The following PPP3CA variants were observed in gnomAD, a reference collection of about 807,000 sequenced individuals.
The protein encoded by PPP3CA is CAM-PRP catalytic subunit.
PPP3CA carries 14 observed loss-of-function variants against 66.5 expected under a neutral mutation model. The observed-to-expected ratio is 0.21, with a 90% CI of 0.14 to 0.33. The LOEUF (loss-of-function observed/expected upper bound fraction) is 0.33. Ranked by LOEUF, PPP3CA falls within the 10% of genes least tolerant of loss-of-function variation. The pLI is 1.00. For missense variants in PPP3CA, 317 were observed against 639.5 expected, an observed-to-expected ratio of 0.50 and a Z score of 5.44; for synonymous variants, 232 against 226.2, an observed-to-expected ratio of 1.03 and a Z score of -0.23.
intron 2 of PPP3CA, among the ~76,000 whole-genome samples, chr4:101,189,466 A>AT (rs1014016740): frequency 1.1e-4 from 16 of 152,032 alleles, no homozygotes; most frequent in African/African-American, 3.9e-4. Context: ...AACCTGTAAC[A>AT]TTAACCTCCA....
chr4:101,042,797 CTT>C (rs1727583211), intron 10 of PPP3CA, among the ~76,000 whole-genome samples: 3 of 143,280 alleles, frequency 2.1e-5, no homozygotes, highest in African/African-American at 8.0e-5. Context: ...CATGAAAAGA[CTT>C]TTTCTTTTTT....
intron 1 of PPP3CA, among the ~76,000 whole-genome samples, chr4:101,222,634 A>C (rs1182123404): frequency 6.6e-6 from 1 of 151,634 alleles, no homozygotes; most frequent in Non-Finnish European, 1.5e-5. Context: ...ATTGGCAGGT[A>C]TCCAGGAATG....
chr4:101,156,568 T>C (rs1433258191), intron 2 of PPP3CA, among the ~76,000 whole-genome samples: 1 of 152,040 alleles, frequency 6.6e-6, no homozygotes, highest in Non-Finnish European at 1.5e-5. Context: ...TAATCCCAGC[T>C]ACTCGGGAGA....
intron 8 of PPP3CA, among the ~76,000 whole-genome samples, chr4:101,065,110 T>C (rs1728627505): frequency 6.6e-6 from 1 of 152,050 alleles, no homozygotes; most frequent in South Asian, 2.1e-4. Context: ...ACCCATTCCC[T>C]TTTACATTGC....
chr4:101,153,952 G>C (rs1021194580), intron 2 of PPP3CA, among the ~76,000 whole-genome samples: 4 of 152,032 alleles, frequency 2.6e-5, no homozygotes, highest in African/African-American at 9.7e-5. Context: ...TTGGACATAT[G>C]CATGGCCTTC....
In PPP3CA at chr4:101,106,398, AAAGAAAGAAAGAAAGAAAGAAAG is replaced by A. The variant is rs1730688567; in HGVS notation, c.384+2533_384+2555del. On this transcript the variant is annotated intron_variant, in intron 3 of 13. Coordinates refer to ENST00000394854, the MANE Select transcript of PPP3CA (RefSeq NM_000944.5). ...AAAAGAAAGAAAGAAAGAAAGAAAG[AAAGAAAGAAAGAAAGAAAGAAAG>A]AAAGAAAGAAAGAAAGAAAGAAAGA... 3.7e-4 allele frequency among the ~76,000 whole-genome samples: 3 copies of A among 8,212 alleles called. No homozygotes were observed. In the Admixed American group the frequency reaches 5.7e-3, roughly 16 times the overall value. 5.4% of individuals were successfully genotyped at this position (8,212 alleles called of 152,430 possible). A position where few individuals can be genotyped will look rare whatever the true frequency, so the allele number is the denominator to read the frequency against.
intron 2 of PPP3CA, among the ~76,000 whole-genome samples, chr4:101,161,973 C>A (rs1316365013): frequency 1.3e-5 from 2 of 152,184 alleles, no homozygotes; most frequent in African/African-American, 4.8e-5. Flanking sequence ...GGCGCGGTGA[C>A]TCACACCTGT....
intron 1 of PPP3CA, among the ~76,000 whole-genome samples, chr4:101,200,939 T>C (rs1365639281): frequency 2.0e-5 from 3 of 152,198 alleles, no homozygotes; most frequent in Non-Finnish European, 2.9e-5. Flanking sequence ...TAGTCACATA[T>C]GGCTTTTGAC....
At chr4:101,245,325 A>G (rs1313439125) in intron 1 of PPP3CA, among the ~76,000 whole-genome samples, 1 of 152,164 alleles carries the variant, frequency 6.6e-6, no homozygotes, top group Non-Finnish European at 1.5e-5. Flanking sequence ...CATATTTGTA[A>G]TCTCCTCAAA....
At chr4:101,088,403 G>A (rs907953342) in intron 6 of PPP3CA, among the ~76,000 whole-genome samples, 20 of 151,862 alleles carry the variant, frequency 1.3e-4, no homozygotes, top group Non-Finnish European at 2.4e-4. Context: ...GGCTAACACA[G>A]TGAAACCCTG....
chr4:101,311,012 T>C (rs1467731255), intron 1 of PPP3CA, among the ~76,000 whole-genome samples: 2 of 152,176 alleles, frequency 1.3e-5, no homozygotes, highest in African/African-American at 2.4e-5. Context: ...GGAGACTAAC[T>C]TAAAAATCAA....
At chr4:101,303,668 T>A (rs1728449032) in intron 1 of PPP3CA, among the ~76,000 whole-genome samples, 1 of 152,204 alleles carries the variant, frequency 6.6e-6, no homozygotes, top group Non-Finnish European at 1.5e-5. Context: ...ATTCTCGTAC[T>A]CTATGTATTG....
At chr4:101,315,299 G>C (rs1345093984) in intron 1 of PPP3CA, among the ~76,000 whole-genome samples, 1 of 152,298 alleles carries the variant, frequency 6.6e-6, no homozygotes, top group East Asian at 1.9e-4. Flanking sequence ...ATAAACTGTT[G>C]TTGTTTATAA....
Position 101,042,706 on chromosome 4 carries a change from T to C in PPP3CA, c.1157-2140A>G, listed in dbSNP as rs775631688. 2.0e-5 allele frequency among the ~76,000 whole-genome samples: 3 copies of C among 152,142 alleles called. No homozygotes were observed. The South Asian group carries it at 6.2e-4, about 32-fold the overall frequency. Reference sequence around the variant, plus strand: ...ATTATCTATGATTTGTAATTAAGATTATACATCAAATTCTGCTCTGGAGAC... The same window carrying C: ...ATTATCTATGATTTGTAATTAAGATCATACATCAAATTCTGCTCTGGAGAC... On this transcript the variant is annotated intron_variant, in intron 10 of 13. Transcript: ENST00000394854.
At chr4:101,291,949 C>T (rs1324033831) in intron 1 of PPP3CA, among the ~76,000 whole-genome samples, 2 of 152,000 alleles carry the variant, frequency 1.3e-5, no homozygotes, top group East Asian at 3.9e-4. Flanking sequence ...GGCAATGTGA[C>T]GAAACCCTAT....
At position 101,123,877 on chromosome 4, in the gene PPP3CA, G is replaced by C. The variant is rs964975042; in HGVS notation, c.260-14799C>G. On this transcript the variant is annotated intron_variant, in intron 2 of 13. Coordinates refer to ENST00000394854, the MANE Select transcript of PPP3CA (RefSeq NM_000944.5). The stretch of plus-strand genomic sequence containing the variant: ...AGGACAATATCATCTCCCATACAAA[G>C]TGGTTGTAAAGATAAAAAATTTGAT... Among the ~76,000 whole-genome samples, 3 of 152,142 alleles carry C rather than the reference G, an allele frequency of 2.0e-5. No individual in the cohort carries two copies. In the East Asian group the frequency reaches 5.8e-4, roughly 29 times the overall value.
intron 2 of PPP3CA, among the ~76,000 whole-genome samples, chr4:101,120,968 T>C (rs1722008210): frequency 1.3e-5 from 2 of 152,256 alleles, no homozygotes; most frequent in Non-Finnish European, 2.9e-5. Context: ...AAGGAAACTA[T>C]GCAAAAATCA....
intron 2 of PPP3CA, among the ~76,000 whole-genome samples, chr4:101,112,466 A>G (rs1343376101): frequency 6.6e-6 from 1 of 152,172 alleles, no homozygotes; most frequent in Non-Finnish European, 1.5e-5. Flanking sequence ...ACATATCATC[A>G]CACTGTCACT....
chr4:101,056,311 G>C (rs1305574759), intron 10 of PPP3CA, among the ~76,000 whole-genome samples: 1 of 152,180 alleles, frequency 6.6e-6, no homozygotes, highest in Non-Finnish European at 1.5e-5. Context: ...TTGTTGGCCA[G>C]AAGGTAAAAT....
Sources: gnomAD v4.1 joint callset for allele counts (sites outside exome capture counted in the v4.1 genomes callset) on GRCh38, gnomAD v4.1.1 for gene constraint, MANE v1.5 for transcripts, NCBI Gene and HGNC (gene_info 2026-07-23, HGNC 2026-07-21) for gene names.